The following ABCC3 variants were observed in gnomAD, a reference collection of about 807,000 sequenced individuals.
ABCC3 encodes ATP binding cassette subfamily C member 3.
Under a neutral mutation model 165.3 loss-of-function variants are expected in ABCC3, and 121 were observed. That is an observed-to-expected ratio of 0.73 (90% CI 0.63 to 0.85). ABCC3 has a LOEUF of 0.85. ABCC3 is among the 40% of genes least tolerant of loss of function. The probability of loss-of-function intolerance (pLI) is 0.00; values close to 1 mark genes in which losing one functional copy is unlikely to be tolerated. For missense variants in ABCC3, 1,869 were observed against 1,964.1 expected, an observed-to-expected ratio of 0.95 and a Z score of 0.92; for synonymous variants, 733 against 810.1, an observed-to-expected ratio of 0.90 and a Z score of 1.62.
Position 50,658,285 on chromosome 17 carries a change from C to A in ABCC3, c.612+78C>A, listed in dbSNP as rs931709188. 3.1e-6 allele frequency: 5 copies of A among 1,605,972 alleles called. No homozygotes were observed. The Admixed American group carries it at 8.3e-5, about 27-fold the overall frequency. ...CTCTGACCAGCAGCCCCCAACCCCT[C>A]CAGTTCCTTTCAAAGTGGGAGAGAG... On this transcript the variant is annotated intron_variant, in intron 5 of 30. Transcript: ENST00000285238.
At position 50,658,458 on chromosome 17, in the gene ABCC3, T is replaced by C. The variant is rs1567829312; in HGVS notation, c.636T>C (p.Ala212=). The C allele has an allele frequency of 1.2e-6, 2 of 1,614,026 alleles. No homozygotes were observed. ...VDPNPYPETS[A]GFLSRLFFWW... ...AGAACCCCTACCCTGAGACCAGCGC[T>C]GGCTTTCTCTCCCGCCTGTTTTTCT... The change falls in exon 6 of 31, where the codon GCT becomes GCC. Residue 212 remains alanine, a synonymous_variant. Transcript: ENST00000285238.
Position 50,659,298 on chromosome 17 carries a change from G to A in ABCC3, c.736G>A (p.Glu246Lys). Residue 246 changes from glutamate (E) to lysine (K), a missense_variant, in exon 7 of 31, where the codon GAG (glutamate) becomes AAG (lysine). Physicochemically the swap from Glu to Lys is moderately conservative, Grantham distance 56. Coordinates refer to ENST00000285238, the MANE Select transcript of ABCC3 (RefSeq NM_003786.4). The stretch of plus-strand genomic sequence containing the variant: ...GAAGGACCTCTGGTCCCTAAAGGAA[G>A]AGGACAGATCCCAGATGGTGGTGCA... ...EEKDLWSLKE[E>K]DRSQMVVQQL... 6.2e-7 allele frequency: 1 copy of A among 1,613,928 alleles called. No individual in the cohort carries two copies. Among genetic ancestry groups the A allele is most frequent in the East Asian group, 2.2e-5 (1 of 44,884 alleles).
At chr17:50,663,887 G>T in intron 9 of ABCC3, 29 bp downstream of exon 9, 1 of 1,614,184 alleles carries the variant, frequency 6.2e-7, no homozygotes, top group Non-Finnish European at 8.5e-7. Flanking sequence ...CAGGGGAAAG[G>T]CTGGCCCTGG....
Position 50,677,890 on chromosome 17 carries a change from T to A in ABCC3, c.3525T>A (p.Asp1175Glu), listed in dbSNP as rs1200500066. 2 of 1,614,026 alleles carry A rather than the reference T, an allele frequency of 1.2e-6. No homozygotes were observed. Among genetic ancestry groups the A allele is most frequent in the Non-Finnish European group, 1.7e-6 (2 of 1,180,028 alleles). ...GCCGGGATTTTGAGATCATCAGTGA[T>A]ACTAAGGTGGATGCCAACCAGAGAA... ...NRSRDFEIIS[D>E]TKVDANQRSC... Residue 1175 changes from aspartate (D) to glutamate (E), a missense_variant, in exon 24 of 31, where the codon GAT becomes GAA. By Grantham distance (45) the Asp-to-Glu change is conservative. Coordinates refer to ENST00000285238, the MANE Select transcript of ABCC3 (RefSeq NM_003786.4).
At chr17:50,635,016 GC>G in intron 1 of ABCC3, 35 bp downstream of exon 1, 1 of 1,256,334 alleles carries the variant, frequency 8.0e-7, no homozygotes, top group Non-Finnish European at 1.0e-6. Flanking sequence ...CTGCGCGGGG[GC>G]CAGGGTCGGC....
chr17:50,658,602 TC>T, intron 6 of ABCC3, 106 bp downstream of exon 6: 1 of 1,257,588 alleles, frequency 8.0e-7, no homozygotes, highest in Non-Finnish European at 1.2e-6. Context: ...TGGCCACCTA[TC>T]CCACCCCCCA....
intron 30 of ABCC3, among the ~76,000 whole-genome samples, chr17:50,690,299 G>A (rs1024868102): frequency 6.6e-6 from 1 of 151,440 alleles, no homozygotes; most frequent in Admixed American, 6.6e-5. Flanking sequence ...ATCAAAAGCC[G>A]CTGAAGACCT....
chr17:50,688,758 T>C (rs767203204), intron 30 of ABCC3, among the ~76,000 whole-genome samples: 1 of 149,766 alleles, frequency 6.7e-6, no homozygotes, highest in East Asian at 2.0e-4. Context: ...AAACAAAAAT[T>C]TGCCGGATGT....
At chr17:50,642,411 A>G (rs1038737127) in intron 1 of ABCC3, among the ~76,000 whole-genome samples, 14 of 152,198 alleles carry the variant, frequency 9.2e-5, no homozygotes, top group Non-Finnish European at 1.5e-4. Flanking sequence ...TTGAGGGTCA[A>G]AGCAGCCACC....
At chr17:50,636,804 C>T (rs1445553888) in intron 1 of ABCC3, among the ~76,000 whole-genome samples, 1 of 152,244 alleles carries the variant, frequency 6.6e-6, no homozygotes, top group Non-Finnish European at 1.5e-5. Flanking sequence ...CATCCTCTGG[C>T]TCTACCTTAA....
rs11568608 is a variant in ABCC3, at chr17:50,668,467, G to A, written c.1820G>A (p.Ser607Asn). ...VSLKRIQQFL[S>N]QEELDPQSVE... ...CTGAAACGGATCCAGCAATTCCTGA[G>A]CCAAGAGGAACTTGACCCCCAGAGT... The change falls in exon 14 of 31, where the codon AGC (serine) becomes AAC (asparagine). Residue 607 changes from serine (S) to asparagine (N), a missense_variant. Physicochemically the swap from Ser to Asn is conservative, Grantham distance 46. Coordinates refer to ENST00000285238, the MANE Select transcript of ABCC3 (RefSeq NM_003786.4). 4,314 of 1,613,956 alleles carry A rather than the reference G, an allele frequency of 2.7e-3. 97 individuals carry two copies. The African/African-American group carries it at 0.051, about 19-fold the overall frequency.
intron 11 of ABCC3, among the ~76,000 whole-genome samples, chr17:50,665,870 C>T (rs1037725453): frequency 6.6e-6 from 1 of 151,868 alleles, no homozygotes; most frequent in African/African-American, 2.4e-5. Context: ...TCTTAGCCTC[C>T]CAAAGTGCTG....
intron 1 of ABCC3, among the ~76,000 whole-genome samples, chr17:50,652,619 C>A (rs1454792724): frequency 3.3e-5 from 5 of 152,164 alleles, no homozygotes; most frequent in Non-Finnish European, 5.9e-5. Context: ...TTGTCCTCAG[C>A]AAAGTTAACC....
chr17:50,675,859 G>T, intron 21 of ABCC3, 24 bp from the exon 22 acceptor site: 1 of 1,613,408 alleles, frequency 6.2e-7, no homozygotes, highest in South Asian at 1.1e-5. Flanking sequence ...CCCTGTCCCT[G>T]ACTGCCATGG....
intron 8 of ABCC3, among the ~76,000 whole-genome samples, chr17:50,662,428 A>G (rs542254854): frequency 1.3e-5 from 2 of 152,162 alleles, no homozygotes; most frequent in East Asian, 1.9e-4. Context: ...CTCGAGCCCA[A>G]GAGTTTGAGA....
At chr17:50,648,451 C>A (rs1967047181) in intron 1 of ABCC3, among the ~76,000 whole-genome samples, 1 of 152,190 alleles carries the variant, frequency 6.6e-6, no homozygotes, top group East Asian at 1.9e-4. Flanking sequence ...TCACAGAAGA[C>A]CAGCAGTTTA....
In ABCC3 at chr17:50,683,764, TG is replaced by T. The variant is rs768123093; in HGVS notation, c.3954+12del. The T allele has an allele frequency of 6.2e-7, 1 of 1,602,304 alleles. No homozygotes were observed. The stretch of plus-strand genomic sequence containing the variant: ...GTGCACGGTGGCGAGAAGGTACGCG[TG>T]GGGTAGGCGGGCCTGCGTGTGTGTT... On this transcript the variant is annotated intron_variant, in intron 27 of 30. Coordinates refer to ENST00000285238, the MANE Select transcript of ABCC3 (RefSeq NM_003786.4).
intron 26 of ABCC3, among the ~76,000 whole-genome samples, chr17:50,682,755 TC>T (rs1255099157): frequency 6.6e-6 from 1 of 152,194 alleles, no homozygotes; most frequent in African/African-American, 2.4e-5. Flanking sequence ...ATTATATGCC[TC>T]CCTCTACTAG....
chr17:50,655,943 T>A lies in ABCC3; in HGVS notation c.157T>A (p.Leu53Met). ...IYLWVALPCYLLYLRHHCRGY... is the reference protein window; with the variant it reads ...IYLWVALPCYMLYLRHHCRGY... ...CCTGTGGGTCGCCCTGCCCTGCTAC[T>A]TGCTCTACCTGCGGCACCATTGTCG... is the stretch of plus-strand genomic sequence containing the variant. The change falls in exon 2 of 31, where the codon TTG becomes ATG. Residue 53 changes from leucine (L) to methionine (M), a missense_variant. Leu to Met is a conservative substitution (Grantham distance 15). Coordinates refer to ENST00000285238, the MANE Select transcript of ABCC3 (RefSeq NM_003786.4). The A allele has an allele frequency of 6.2e-7, 1 of 1,614,052 alleles. No homozygotes were observed. Among genetic ancestry groups the A allele is most frequent in the Non-Finnish European group, 8.5e-7 (1 of 1,179,936 alleles).
Sources: gnomAD v4.1 joint callset for allele counts (sites outside exome capture counted in the v4.1 genomes callset) on GRCh38, gnomAD v4.1.1 for gene constraint, MANE v1.5 for transcripts, NCBI Gene and HGNC (gene_info 2026-07-23, HGNC 2026-07-21) for gene names.